The following ZC2HC1B variants were observed in gnomAD, a reference collection of about 807,000 sequenced individuals.
ZC2HC1B encodes zinc finger C2HC domain-containing protein 1B.
A neutral mutation model predicts 31.0 loss-of-function variants in ZC2HC1B; 36 were observed. The ratio of observed to expected loss-of-function variants is 1.16; its 90% CI spans 0.89 to 1.54. The LOEUF is 1.54. Among genes scored for constraint, ZC2HC1B ranks in the 40% most tolerant of loss-of-function variants. ZC2HC1B has a pLI of 0.00. For synonymous variants in ZC2HC1B, 73 were observed against 88.0 expected (o/e 0.83, Z 0.95); for missense variants, 260 against 268.6 (o/e 0.97, Z 0.22).
chr6:143,912,833 G>A (rs1262221714), intron 6 of ZC2HC1B, among the ~76,000 whole-genome samples: 1 of 152,186 alleles, frequency 6.6e-6, no homozygotes, highest in African/African-American at 2.4e-5. Context: ...CCCACAGGCT[G>A]GACAAGCTGA....
intron 6 of ZC2HC1B, among the ~76,000 whole-genome samples, chr6:143,936,633 C>G (rs953067953): frequency 6.6e-6 from 1 of 152,190 alleles, no homozygotes; most frequent in African/African-American, 2.4e-5. Flanking sequence ...GAAGCTGCTT[C>G]TCTGAGATCT....
rs1394392176 is a variant in ZC2HC1B, at chr6:143,865,857, C to G, written c.28+1290C>G. Among the ~76,000 whole-genome samples the G allele has an allele frequency of 6.6e-6, 1 of 152,158 alleles. No homozygotes were observed. The highest frequency in any genetic ancestry group is 1.5e-5 in the Non-Finnish European group (1 of 68,028). On this transcript the variant is annotated intron_variant, in intron 1 of 7. Coordinates refer to ENST00000237275, the MANE Select transcript of ZC2HC1B (RefSeq NM_001013623.3). The surrounding 1 kb of genome is among the most constrained non-coding windows in gnomAD (Gnocchi z 4.4). ...GCCAAGACAGGTCTTGCTCTGGCGC[C>G]CGAGCTGGAGCGCAGTAGTGCGATC...
rs1414302503 is a variant in ZC2HC1B, at chr6:143,865,592, GA to G, written c.28+1027del. 6.6e-6 allele frequency among the ~76,000 whole-genome samples: 1 copy of G among 152,194 alleles called. No individual in the cohort carries two copies. The highest frequency in any genetic ancestry group is 2.4e-5 in the African/African-American group (1 of 41,450). On this transcript the variant is annotated intron_variant, in intron 1 of 7. Coordinates refer to ENST00000237275, the MANE Select transcript of ZC2HC1B (RefSeq NM_001013623.3). This position sits in a 1 kb window ranked among gnomAD's most constrained non-coding sequence, Gnocchi z 4.4. ...AGTCTCCTCTCGCAGGACAAACCCT[GA>G]AGGCACAGTGTTTTATTTATTGCTT...
chr6:143,892,326 C>T (rs1158276159), intron 4 of ZC2HC1B, among the ~76,000 whole-genome samples: 2 of 148,042 alleles, frequency 1.4e-5, no homozygotes, highest in Non-Finnish European at 3.0e-5. Context: ...GAGGGAGTCT[C>T]ACTATGTCAC....
intron 1 of ZC2HC1B, among the ~76,000 whole-genome samples, chr6:143,876,639 A>T (rs1777411277): frequency 3.3e-5 from 5 of 150,340 alleles, no homozygotes; most frequent in Admixed American, 3.3e-4. Flanking sequence ...GGGAATATAT[A>T]TATAAAGGGA....
chr6:143,916,969 G>A (rs908875604), intron 6 of ZC2HC1B, among the ~76,000 whole-genome samples: 4 of 152,204 alleles, frequency 2.6e-5, no homozygotes, highest in African/African-American at 9.7e-5. Context: ...GTTTTGAAAT[G>A]TGAAGACATG....
Position 143,875,569 on chromosome 6 carries a change from T to C in ZC2HC1B, c.29-8735T>C, listed in dbSNP as rs137902514. On this transcript the variant is annotated intron_variant, in intron 1 of 7. Coordinates refer to ENST00000237275, the MANE Select transcript of ZC2HC1B (RefSeq NM_001013623.3). ...CAACTCTATGTTCCTTCCACCATTA[T>C]ACCACACCCTTAATATCCATTCCCA... Among the ~76,000 whole-genome samples the C allele has an allele frequency of 8.5e-4, 129 of 151,040 alleles. 8 individuals carry two copies. The highest frequency in any genetic ancestry group is 2.9e-3 in the African/African-American group (119 of 41,038).
At chr6:143,875,097 T>C (rs1246878643) in intron 1 of ZC2HC1B, among the ~76,000 whole-genome samples, 1 of 152,110 alleles carries the variant, frequency 6.6e-6, no homozygotes, top group Non-Finnish European at 1.5e-5. Flanking sequence ...CTTTCCAGAG[T>C]GTTCAGATTA....
intron 1 of ZC2HC1B, among the ~76,000 whole-genome samples, chr6:143,880,828 C>T (rs146136211): frequency 6.6e-4 from 101 of 152,070 alleles, no homozygotes; most frequent in African/African-American, 2.0e-3. Context: ...TTTATTTTGC[C>T]GTAATTATAG....
In ZC2HC1B at chr6:143,903,207, T is replaced by C; in HGVS notation, c.598+55T>C. On this transcript the variant is annotated intron_variant, in intron 6 of 7. Transcript: ENST00000237275. This position sits in a 1 kb window ranked among gnomAD's most constrained non-coding sequence, Gnocchi z 4.3. ...AATGATGGGGGTCAGAGGAGATCAC[T>C]GTTGGGTTTGGGATTCACTGGTAGT... 1 of 1,481,982 alleles carries C rather than the reference T, an allele frequency of 6.7e-7. No homozygotes were observed. Among genetic ancestry groups the C allele is most frequent in the Middle Eastern group, 1.7e-4 (1 of 5,798 alleles). 91.8% of individuals were successfully genotyped at this position (1,481,982 alleles called of 1,614,324 possible).
In ZC2HC1B at chr6:143,934,147, A is replaced by G. The variant is rs889479602; in HGVS notation, c.599-3502A>G. Among the ~76,000 whole-genome samples, 1 of 152,174 alleles carries G rather than the reference A, an allele frequency of 6.6e-6. No individual in the cohort carries two copies. Among genetic ancestry groups the G allele is most frequent in the Non-Finnish European group, 1.5e-5 (1 of 68,038 alleles). On this transcript the variant is annotated intron_variant, in intron 6 of 7. Coordinates refer to ENST00000237275, the MANE Select transcript of ZC2HC1B (RefSeq NM_001013623.3). The surrounding 1 kb of genome is among the most constrained non-coding windows in gnomAD (Gnocchi z 4.6). ...GGATTTTTCAGGTTCCTCAGTGGGG[A>G]CGTGTGCTTGGAAGCAGATGTGTCC...
intron 6 of ZC2HC1B, among the ~76,000 whole-genome samples, chr6:143,906,563 C>T (rs986193421): frequency 6.6e-6 from 1 of 152,050 alleles, no homozygotes; most frequent in Non-Finnish European, 1.5e-5. Flanking sequence ...CCTGTCTCAG[C>T]CTCTCCAGTA....
At chr6:143,896,079 C>G (rs1349674023) in intron 4 of ZC2HC1B, among the ~76,000 whole-genome samples, 3 of 152,326 alleles carry the variant, frequency 2.0e-5, no homozygotes, top group African/African-American at 4.8e-5. Flanking sequence ...CCACAGGACT[C>G]TCTCCTGCCT....
At chr6:143,920,100 AAAAC>A (rs910511305) in intron 6 of ZC2HC1B, among the ~76,000 whole-genome samples, 1 of 152,182 alleles carries the variant, frequency 6.6e-6, no homozygotes, top group African/African-American at 2.4e-5. Flanking sequence ...GAAAAATAAA[AAAAC>A]AATTTCTTTA....
Position 143,865,107 on chromosome 6 carries a change from C to T in ZC2HC1B, c.28+540C>T, listed in dbSNP as rs1053286355. Among the ~76,000 whole-genome samples, 1 of 152,198 alleles carries T rather than the reference C, an allele frequency of 6.6e-6. No individual in the cohort carries two copies. The highest frequency in any genetic ancestry group is 1.9e-4 in the East Asian group (1 of 5,200). The stretch of plus-strand genomic sequence containing the variant: ...CATATTGTGATTTAGGCAGGTTATA[C>T]TCCAAACTTAAATATTTTAATTTTA... On this transcript the variant is annotated intron_variant, in intron 1 of 7. Transcript: ENST00000237275. The surrounding 1 kb of genome is among the most constrained non-coding windows in gnomAD (Gnocchi z 4.4).
In ZC2HC1B at chr6:143,872,609, A is replaced by G. The variant is rs1426532274; in HGVS notation, c.28+8042A>G. Among the ~76,000 whole-genome samples, 2 of 152,156 alleles carry G rather than the reference A, an allele frequency of 1.3e-5. No individual in the cohort carries two copies. The highest frequency in any genetic ancestry group is 2.9e-5 in the Non-Finnish European group (2 of 68,030). On this transcript the variant is annotated intron_variant, in intron 1 of 7. Coordinates refer to ENST00000237275, the MANE Select transcript of ZC2HC1B (RefSeq NM_001013623.3). This position sits in a 1 kb window ranked among gnomAD's most constrained non-coding sequence, Gnocchi z 5.5. Reference sequence around the variant, plus strand: ...AGACATACCTGAGACTGGGAAGAAAAAGAGGTTTAATCAGACTTACAGTTC... The same window carrying G: ...AGACATACCTGAGACTGGGAAGAAAGAGAGGTTTAATCAGACTTACAGTTC...
chr6:143,901,230 C>A (rs1416829464), intron 5 of ZC2HC1B, among the ~76,000 whole-genome samples: 2 of 103,796 alleles, frequency 1.9e-5, no homozygotes, highest in African/African-American at 7.5e-5. Context: ...GTTTGAATTT[C>A]TTTCTTTCTT....
chr6:143,901,226 A>C (rs1327426991), intron 5 of ZC2HC1B, among the ~76,000 whole-genome samples: 3 of 129,528 alleles, frequency 2.3e-5, no homozygotes, highest in Non-Finnish European at 5.0e-5. Context: ...CAGGGTTTGA[A>C]TTTCTTTCTT....
rs1477952105 is a variant in ZC2HC1B at position 143,877,767 on chromosome 6, A to G, written c.29-6537A>G. On this transcript the variant is annotated intron_variant, in intron 1 of 7. Coordinates refer to ENST00000237275, the MANE Select transcript of ZC2HC1B (RefSeq NM_001013623.3). The stretch of plus-strand genomic sequence containing the variant: ...GAGCAGTATTTCATGACTGAGCTGT[A>G]TTGTAGGGTGGTCTGAGTGAGCTGT... Among the ~76,000 whole-genome samples, 8 of 150,456 alleles carry G rather than the reference A, an allele frequency of 5.3e-5. 1 individual carries two copies. The highest frequency in any genetic ancestry group is 1.5e-5 in the Non-Finnish European group (1 of 67,622).
Sources: allele counts gnomAD v4.1 joint callset (sites outside exome capture counted in the v4.1 genomes callset), GRCh38; gene constraint gnomAD v4.1.1; non-coding constraint Gnocchi (gnomAD v3.1); transcripts MANE v1.5; gene names NCBI Gene and HGNC (gene_info 2026-07-23, HGNC 2026-07-21).